ARID1B: variants seen among roughly 807,000 people sequenced by gnomAD.
ARID1B encodes AT-rich interactive domain-containing protein 1B.
Under a neutral mutation model 212.3 loss-of-function variants are expected in ARID1B, and 30 were observed. The ratio of observed to expected loss-of-function variants is 0.14; its 90% CI spans 0.11 to 0.19. ARID1B has a LOEUF of 0.19. ARID1B is among the 10% of genes least tolerant of loss of function. ARID1B has a pLI of 1.00. For missense variants in ARID1B, 2,891 were observed against 3,204.0 expected (o/e 0.90, Z 2.36); for synonymous variants, 1,402 against 1,301.7 (o/e 1.08, Z -1.66).
At chr6:157,069,648 C>T (rs1783889765) in intron 4 of ARID1B, among the ~76,000 whole-genome samples, 1 of 152,170 alleles carries the variant, frequency 6.6e-6, no homozygotes, top group Non-Finnish European at 1.5e-5. Context: ...TATTCAAGGG[C>T]AATCCTGTTT....
intron 2 of ARID1B, among the ~76,000 whole-genome samples, chr6:156,844,795 C>T (rs1784119387): frequency 6.6e-6 from 1 of 152,154 alleles, no homozygotes. Flanking sequence ...TATAAAATAA[C>T]TGTCTGTAGT....
At chr6:157,161,425 G>GTATATATA (rs768153706) in intron 8 of ARID1B, among the ~76,000 whole-genome samples, 4 of 124,420 alleles carry the variant, frequency 3.2e-5, no homozygotes, top group African/African-American at 6.7e-5. Context: ...TTTTGATTGT[G>GTATATATA]TGTGTGTATA....
intron 4 of ARID1B, among the ~76,000 whole-genome samples, chr6:157,047,630 A>C (rs184151607): frequency 6.6e-6 from 1 of 152,340 alleles, no homozygotes; most frequent in African/African-American, 2.4e-5. Flanking sequence ...TTGTAAAAAG[A>C]CGTTAGGAAT....
At chr6:156,890,708 C>T (rs1446730226) in intron 2 of ARID1B, among the ~76,000 whole-genome samples, 1 of 152,174 alleles carries the variant, frequency 6.6e-6, no homozygotes, top group Non-Finnish European at 1.5e-5. Flanking sequence ...GTATACTTTG[C>T]CAACTTCTTT....
chr6:157,042,077 G>A (rs1781920957), intron 4 of ARID1B, among the ~76,000 whole-genome samples: 2 of 152,144 alleles, frequency 1.3e-5, no homozygotes, highest in Admixed American at 1.3e-4. Context: ...AGGCAGTAAT[G>A]TGTTCGATTC....
intron 2 of ARID1B, 67 bp from the exon 3 acceptor site, chr6:156,901,309 A>T (rs528582434): frequency 5.0e-6 from 8 of 1,588,082 alleles, no homozygotes; most frequent in Non-Finnish European, 6.9e-6. Context: ...CTGAATTGAA[A>T]CCATATTTGA....
In ARID1B at chr6:157,044,151, TTATTG is replaced by T. The variant is rs370570112; in HGVS notation, c.2248-40506_2248-40502del. Among the ~76,000 whole-genome samples the T allele has an allele frequency of 2.6e-4, 40 of 152,364 alleles. 1 individual carries two copies. The East Asian group carries it at 6.9e-3, about 26-fold the overall frequency. On this transcript the variant is annotated intron_variant, in intron 4 of 19. Coordinates refer to ENST00000636930, the MANE Select transcript of ARID1B (RefSeq NM_001374828.1). ...GTTTAATTGTCTTAATTGAATCTAT[TTATTG>T]TATTCTACAAAATGGAATGGATTCC...
intron 2 of ARID1B, among the ~76,000 whole-genome samples, chr6:156,846,631 A>G (rs1784253721): frequency 1.3e-5 from 2 of 152,146 alleles, no homozygotes; most frequent in African/African-American, 4.8e-5. Context: ...CCCCCTCCCC[A>G]GTAACTAACT....
intron 4 of ARID1B, chr6:156,943,649 T>C (rs1052500617): frequency 1.3e-5 from 2 of 152,214 alleles, no homozygotes; most frequent in East Asian, 3.8e-4. Flanking sequence ...TATGCATGCA[T>C]CTGTGCATAT....
At chr6:157,072,297 A>G (rs958169546) in intron 4 of ARID1B, 1 of 152,098 alleles carries the variant, frequency 6.6e-6, no homozygotes, top group African/African-American at 2.4e-5. Context: ...TTTCCTTTAC[A>G]AAAAAAGCTT....
chr6:156,978,945 T>C (rs1777433365), intron 4 of ARID1B, among the ~76,000 whole-genome samples: 2 of 152,262 alleles, frequency 1.3e-5, no homozygotes, highest in South Asian at 4.1e-4. Flanking sequence ...ATGTATATGA[T>C]AATACATTTA....
At chr6:157,022,731 T>G (rs967715618) in intron 4 of ARID1B, 5 of 148,154 alleles carry the variant, frequency 3.4e-5, no homozygotes, top group African/African-American at 1.3e-4. Flanking sequence ...TGTTCTCTTG[T>G]TGATAATTCT....
At chr6:156,819,255 G>A (rs535711524) in intron 1 of ARID1B, among the ~76,000 whole-genome samples, 1 of 152,320 alleles carries the variant, frequency 6.6e-6, no homozygotes, top group African/African-American at 2.4e-5. Context: ...GAACAATACT[G>A]CATACTTAGA....
rs1794486828 is a variant in ARID1B, at chr6:157,206,767, A to G, written c.5995A>G (p.Thr1999Ala). 2 of 1,613,698 alleles carry G rather than the reference A, an allele frequency of 1.2e-6. No individual in the cohort carries two copies. The highest frequency in any genetic ancestry group is 1.7e-6 in the Non-Finnish European group (2 of 1,180,026). The change falls in exon 20 of 20, where the codon ACC (threonine) becomes GCC (alanine). Residue 1999 changes from threonine to alanine, a missense_variant. By Grantham distance (58) the Thr-to-Ala change is moderately conservative. Transcript: ENST00000636930. The surrounding 1 kb of genome is among the most constrained non-coding windows in gnomAD (Gnocchi z 6.8). ...EEQQEKSIIA[T>A]IDDVLSARPG... ...GCAGCAAGAGAAAAGCATCATAGCA[A>G]CCATCGATGACGTCCTCTCTGCTCG...
At chr6:156,871,930 T>C (rs1050233860) in intron 2 of ARID1B, among the ~76,000 whole-genome samples, 1 of 152,250 alleles carries the variant, frequency 6.6e-6, no homozygotes, top group Non-Finnish European at 1.5e-5. Context: ...TGGTGGCTTA[T>C]GTATACTTAA....
intron 11 of ARID1B, 195 bp downstream of exon 11, chr6:157,175,200 A>G (rs1283856779): frequency 2.4e-6 from 1 of 422,232 alleles, no homozygotes; most frequent in African/African-American, 2.1e-5. Flanking sequence ...GCGTGCATCA[A>G]AGAAGTTGAT....
intron 4 of ARID1B, among the ~76,000 whole-genome samples, chr6:157,073,571 A>T (rs1021238474): frequency 3.9e-5 from 6 of 152,322 alleles, no homozygotes; most frequent in Non-Finnish European, 5.9e-5. Context: ...TTGAGCACTT[A>T]TTGTATGCTT....
chr6:157,051,956 C>T lies in ARID1B; in HGVS notation c.2248-32706C>T, dbSNP rs138298177. On this transcript the variant is annotated intron_variant, in intron 4 of 19. Transcript: ENST00000636930. Reference sequence around the variant, plus strand: ...TATTTATATGATTAGATGTATTTTGCTTTATTTTAGTTTTGTCAATTTAAT... The same window carrying T: ...TATTTATATGATTAGATGTATTTTGTTTTATTTTAGTTTTGTCAATTTAAT... Among the ~76,000 whole-genome samples the T allele has an allele frequency of 2.7e-3, 405 of 152,136 alleles. 4 individuals are homozygous for T. In the East Asian group the frequency reaches 0.031, roughly 12 times the overall value.
chr6:156,799,897 G>A lies in ARID1B; in HGVS notation c.1791+20426G>A, dbSNP rs573975039. ...GAAACAGAATCATTGAAGAAGCTGC[G>A]CAGTAATAAGACTCCCAGCCAGCAG... On this transcript the variant is annotated intron_variant, in intron 1 of 19. Coordinates refer to ENST00000636930, the MANE Select transcript of ARID1B (RefSeq NM_001374828.1). Among the ~76,000 whole-genome samples the A allele has an allele frequency of 2.2e-4, 34 of 152,302 alleles. No individual in the cohort carries two copies. In the South Asian group the frequency reaches 6.0e-3, roughly 27 times the overall value.
Sources: gnomAD v4.1 joint callset for allele counts (sites outside exome capture counted in the v4.1 genomes callset) on GRCh38, gnomAD v4.1.1 for gene constraint, Gnocchi (gnomAD v3.1) non-coding constraint, MANE v1.5 for transcripts, NCBI Gene and HGNC (gene_info 2026-07-23, HGNC 2026-07-21) for gene names.